RNF5: variants seen among roughly 807,000 people sequenced by gnomAD.
The protein encoded by RNF5 is ring finger protein 5.
In RNF5, 16 loss-of-function variants were observed where a neutral mutation model predicts 24.4. That is an observed-to-expected ratio of 0.66 (90% CI 0.44 to 1.00). The LOEUF (loss-of-function observed/expected upper bound fraction) is 1.00, where lower values mean the gene tolerates loss of function less well. Among genes scored for constraint, RNF5 ranks in the 50% least tolerant of loss-of-function variants. The pLI is 0.00. For synonymous variants in RNF5, 64 were observed against 88.5 expected, an observed-to-expected ratio of 0.72 and a Z score of 1.55; for missense variants, 185 against 236.7, an observed-to-expected ratio of 0.78 and a Z score of 1.43.
Position 32,180,014 on chromosome 6 carries a change from C to T in RNF5, c.333C>T (p.Phe111=), listed in dbSNP as rs747287288. Residue 111 remains phenylalanine, a synonymous_variant, in exon 5 of 6, where the codon TTC becomes TTT. Coordinates refer to ENST00000375094, the MANE Select transcript of RNF5 (RefSeq NM_006913.4). ...GACTTTTTCTGCCTCCCTAGGGATT[C>T]CAGCCATTTGGTGATACCGGGGGCT... ...QRPAPESRGG[F]QPFGDTGGFH... 17 of 1,614,190 alleles carry T rather than the reference C, an allele frequency of 1.1e-5. No individual in the cohort carries two copies. Among genetic ancestry groups the T allele is most frequent in the Non-Finnish European group, 3.4e-6 (4 of 1,180,014 alleles).
Position 32,178,411 on chromosome 6 carries a change from T to A in RNF5, c.-101T>A. On this transcript the variant is annotated 5_prime_UTR_variant, in exon 1 of 6. Coordinates refer to ENST00000375094, the MANE Select transcript of RNF5 (RefSeq NM_006913.4). ...ATAGTGATTAGGAAACCTTGAAGCC[T>A]GCCCAACGATCGTGGGCAGGAGGTG... 1.0e-6 allele frequency: 1 copy of A among 1,003,804 alleles called. No individual in the cohort carries two copies. The highest frequency in any genetic ancestry group is 1.7e-5 in the South Asian group (1 of 58,570). 62.2% of individuals were successfully genotyped at this position (1,003,804 alleles called of 1,614,324 possible).
chr6:32,179,634 A>G lies in RNF5; in HGVS notation c.160-17A>G, dbSNP rs747944470. On this transcript the variant is annotated splice_polypyrimidine_tract_variant and intron_variant, in intron 2 of 5. Transcript: ENST00000375094. This position sits in a 1 kb window ranked among gnomAD's most constrained non-coding sequence, Gnocchi z 5.4. ...AAGACCCTCTTGTATACTGGAAACC[A>G]CCTTTTTTCTCCCCAGTGGCTGGAG... The G allele has an allele frequency of 8.7e-6, 14 of 1,612,088 alleles. No individual in the cohort carries two copies. The highest frequency in any genetic ancestry group is 1.3e-5 in the African/African-American group (1 of 74,646).
chr6:32,178,607 G>A lies in RNF5; in HGVS notation c.96G>A (p.Glu32=). 6 of 1,611,934 alleles carry A rather than the reference G, an allele frequency of 3.7e-6. No homozygotes were observed. Among genetic ancestry groups the A allele is most frequent in the Non-Finnish European group, 5.1e-6 (6 of 1,179,952 alleles). ...CCTTCGAATGTAATATATGTTTGGAGACTGCTCGGGAAGCTGTGGTCAGTG... is the reference window on the plus strand; with the variant it reads ...CCTTCGAATGTAATATATGTTTGGAAACTGCTCGGGAAGCTGTGGTCAGTG... ...GATFECNICL[E]TAREAVVSVC... Residue 32 remains glutamate, a synonymous_variant, in exon 1 of 6, where the codon GAG becomes GAA. Coordinates refer to ENST00000375094, the MANE Select transcript of RNF5 (RefSeq NM_006913.4).
chr6:32,178,541 C>T lies in RNF5; in HGVS notation c.30C>T (p.Gly10=). The change falls in exon 1 of 6, where the codon GGC becomes GGT. Residue 10 remains glycine (G), a synonymous_variant. Coordinates refer to ENST00000375094, the MANE Select transcript of RNF5 (RefSeq NM_006913.4). ...CAGCAGCGGAGGAGGAGGACGGGGG[C>T]CCCGAAGGGCCAAATCGCGAGCGGG... is the stretch of plus-strand genomic sequence containing the variant. MAAAEEEDG[G]PEGPNRERGG... is the part of the protein sequence containing the mutation. 6 of 1,607,688 alleles carry T rather than the reference C, an allele frequency of 3.7e-6. No individual in the cohort carries two copies. The highest frequency in any genetic ancestry group is 5.1e-6 in the Non-Finnish European group (6 of 1,177,722).
chr6:32,180,411 C>G lies in RNF5; in HGVS notation c.*85C>G. The G allele has an allele frequency of 8.1e-7, 1 of 1,232,850 alleles. No homozygotes were observed. The highest frequency in any genetic ancestry group is 1.2e-5 in the South Asian group (1 of 83,582). The allele number at this position is 1,232,850 out of a possible 1,614,324, so 76.4% of individuals were successfully genotyped here. ...TGACCCTTCCGTACTCCTGGACCCC[C>G]TTGACCCCTCTATTTCTGTTGGCTA... On this transcript the variant is annotated 3_prime_UTR_variant, in exon 6 of 6. Transcript: ENST00000375094.
In RNF5 at chr6:32,178,583, C is replaced by T. The variant is rs1289753333; in HGVS notation, c.72C>T (p.Thr24=). The T allele has an allele frequency of 1.9e-6, 3 of 1,610,650 alleles. No individual in the cohort carries two copies. Among genetic ancestry groups the T allele is most frequent in the East Asian group, 2.2e-5 (1 of 44,822 alleles). The part of the protein sequence containing the change: ...PNRERGGAGA[T]FECNICLETA... ...GCGAGCGGGGCGGGGCGGGCGCGAC[C>T]TTCGAATGTAATATATGTTTGGAGA... Residue 24 remains threonine (T), a synonymous_variant, in exon 1 of 6, where the codon ACC becomes ACT. Coordinates refer to ENST00000375094, the MANE Select transcript of RNF5 (RefSeq NM_006913.4).
At chr6:32,180,203 T>A in intron 5 of RNF5, 26 bp from the exon 6 acceptor site, 1 of 1,610,436 alleles carries the variant, frequency 6.2e-7, no homozygotes, top group Non-Finnish European at 8.5e-7. Flanking sequence ...GAGCATATGC[T>A]TCCACAGCTT....
Position 32,179,685 on chromosome 6 carries a change from C to T in RNF5, c.194C>T (p.Pro65Leu), listed in dbSNP as rs1241941321. 1 of 1,613,930 alleles carries T rather than the reference C, an allele frequency of 6.2e-7. No homozygotes were observed. Among genetic ancestry groups the T allele is most frequent in the East Asian group, 2.2e-5 (1 of 44,886 alleles). ...LETRPERQEC[P>L]VCKAGISREK... ...ACACGGCCAGAACGGCAAGAGTGTC[C>T]AGTATGTAAAGCTGGGATCAGCAGA... is the stretch of plus-strand genomic sequence containing the variant. Residue 65 changes from proline (P) to leucine (L), a missense_variant, in exon 3 of 6, where the codon CCA (proline) becomes CTA (leucine). Transcript: ENST00000375094. This position sits in a 1 kb window ranked among gnomAD's most constrained non-coding sequence, Gnocchi z 5.4.
Position 32,178,419 on chromosome 6 carries a change from G to C in RNF5, c.-93G>C, listed in dbSNP as rs1785776571. The C allele has an allele frequency of 2.8e-6, 3 of 1,073,522 alleles. No individual in the cohort carries two copies. The highest frequency in any genetic ancestry group is 3.2e-5 in the African/African-American group (2 of 62,856). The allele number at this position is 1,073,522 out of a possible 1,614,324, so 66.5% of individuals were successfully genotyped here. ...TAGGAAACCTTGAAGCCTGCCCAAC[G>C]ATCGTGGGCAGGAGGTGGTTTCTGG... On this transcript the variant is annotated 5_prime_UTR_variant, in exon 1 of 6. Transcript: ENST00000375094.
Position 32,178,502 on chromosome 6 carries a change from A to G in RNF5, c.-10A>G, listed in dbSNP as rs1291719974. ...GACTGAAGGGTACGTGGGGCGAAAC[A>G]AAACCGGCCATGGCAGCAGCGGAGG... On this transcript the variant is annotated 5_prime_UTR_variant, in exon 1 of 6. Transcript: ENST00000375094. 6.3e-7 allele frequency: 1 copy of G among 1,589,654 alleles called. No individual in the cohort carries two copies. Among genetic ancestry groups the G allele is most frequent in the Non-Finnish European group, 8.6e-7 (1 of 1,168,400 alleles).
chr6:32,179,601 G>A lies in RNF5; in HGVS notation c.159+42G>A. On this transcript the variant is annotated intron_variant, in intron 2 of 5. Coordinates refer to ENST00000375094, the MANE Select transcript of RNF5 (RefSeq NM_006913.4). This position sits in a 1 kb window ranked among gnomAD's most constrained non-coding sequence, Gnocchi z 5.4. The stretch of plus-strand genomic sequence containing the variant: ...TGAAGAGGGAAATGGGGAGGTCTGA[G>A]GAGCTGTAAGACCCTCTTGTATACT... 1 of 1,613,850 alleles carries A rather than the reference G, an allele frequency of 6.2e-7. No individual in the cohort carries two copies. The highest frequency in any genetic ancestry group is 8.5e-7 in the Non-Finnish European group (1 of 1,179,862).
chr6:32,179,308 G>A lies in RNF5; in HGVS notation c.141-233G>A, dbSNP rs1248128196. On this transcript the variant is annotated intron_variant, in intron 1 of 5. Coordinates refer to ENST00000375094, the MANE Select transcript of RNF5 (RefSeq NM_006913.4). This position sits in a 1 kb window ranked among gnomAD's most constrained non-coding sequence, Gnocchi z 5.4. ...ATTTGTATGTGTTTGTTGGGGAGAG[G>A]AGAAAGGAGAGGGTTGAGTGTGTTG... is the stretch of plus-strand genomic sequence containing the variant. Among the ~76,000 whole-genome samples the A allele has an allele frequency of 6.6e-6, 1 of 152,080 alleles. No individual in the cohort carries two copies. The highest frequency in any genetic ancestry group is 2.4e-5 in the African/African-American group (1 of 41,402).
In RNF5 at chr6:32,179,880, A is replaced by G. The variant is rs35746374; in HGVS notation, c.276A>G (p.Leu92=). ...RGSQKPQDPR[L]KTPPRPQGQR... ...CTTTCTCTCTCCACTTCCTCAGATT[A>G]AAAACTCCACCCCGCCCCCAGGGCC... Residue 92 remains leucine, a synonymous_variant, in exon 4 of 6, where the codon TTA becomes TTG. Transcript: ENST00000375094. The surrounding 1 kb of genome is among the most constrained non-coding windows in gnomAD (Gnocchi z 5.4). 1,206 of 1,614,130 alleles carry G rather than the reference A, an allele frequency of 7.5e-4. 5 individuals are homozygous for G. The African/African-American group carries it at 0.014, about 19-fold the overall frequency.
rs1785853819 is a variant in RNF5 at position 32,179,112 on chromosome 6, G to A, written c.141-429G>A. On this transcript the variant is annotated intron_variant, in intron 1 of 5. Transcript: ENST00000375094. This position sits in a 1 kb window ranked among gnomAD's most constrained non-coding sequence, Gnocchi z 5.4. Reference sequence around the variant, plus strand: ...AGAGGCAGACTTGAAAGGTTAAAGGGTCATAAAGATAGGGACATTATTGAG... The same window carrying A: ...AGAGGCAGACTTGAAAGGTTAAAGGATCATAAAGATAGGGACATTATTGAG... 6.6e-6 allele frequency among the ~76,000 whole-genome samples: 1 copy of A among 152,068 alleles called. No homozygotes were observed. Among genetic ancestry groups the A allele is most frequent in the Non-Finnish European group, 1.5e-5 (1 of 68,022 alleles).
chr6:32,180,414 GACC>G lies in RNF5; in HGVS notation c.*89_*91del. The G allele has an allele frequency of 8.1e-7, 1 of 1,230,796 alleles. No individual in the cohort carries two copies. Among genetic ancestry groups the G allele is most frequent in the Non-Finnish European group, 1.2e-6 (1 of 847,506 alleles). The allele number at this position is 1,230,796 out of a possible 1,614,324, so 76.2% of individuals were successfully genotyped here. ...CCCTTCCGTACTCCTGGACCCCCTT[GACC>G]CCTCTATTTCTGTTGGCTAAGGCCA... On this transcript the variant is annotated 3_prime_UTR_variant, in exon 6 of 6. Coordinates refer to ENST00000375094, the MANE Select transcript of RNF5 (RefSeq NM_006913.4).
In RNF5 at chr6:32,180,459, A is replaced by G; in HGVS notation, c.*133A>G. Reference sequence around the variant, plus strand: ...CTAAGGCCAGCCCTGGACATTGTCCAGGAAGGCCTGGGGAGGAGGAGTGAA... The same window carrying G: ...CTAAGGCCAGCCCTGGACATTGTCCGGGAAGGCCTGGGGAGGAGGAGTGAA... On this transcript the variant is annotated 3_prime_UTR_variant, in exon 6 of 6. Transcript: ENST00000375094. The G allele has an allele frequency of 6.2e-6, 5 of 800,824 alleles. No homozygotes were observed. Among genetic ancestry groups the G allele is most frequent in the East Asian group, 5.0e-5 (2 of 39,786 alleles). The allele number at this position is 800,824 out of a possible 1,614,324, so 49.6% of individuals were successfully genotyped here. A position where few individuals can be genotyped will look rare whatever the true frequency, so the allele number is the denominator to read the frequency against.
chr6:32,179,810 C>A lies in RNF5; in HGVS notation c.272+47C>A. 1 of 1,613,414 alleles carries A rather than the reference C, an allele frequency of 6.2e-7. No individual in the cohort carries two copies. The highest frequency in any genetic ancestry group is 8.5e-7 in the Non-Finnish European group (1 of 1,179,424). On this transcript the variant is annotated intron_variant, in intron 3 of 5. Coordinates refer to ENST00000375094, the MANE Select transcript of RNF5 (RefSeq NM_006913.4). This position sits in a 1 kb window ranked among gnomAD's most constrained non-coding sequence, Gnocchi z 5.4. ...TTAGGGAAGATTGAAGGCTTCTGCC[C>A]TTGGAAAACGGTGTGGAAGATGGGA...
intron 1 of RNF5, 40 bp downstream of exon 1, chr6:32,178,691 C>T: frequency 6.3e-7 from 1 of 1,595,852 alleles, no homozygotes. Flanking sequence ...GTGGGTCTCG[C>T]TTATATACTG....
In RNF5 at chr6:32,180,284, G is replaced by A; in HGVS notation, c.501G>A (p.Leu167=). ...CCAGCTGGCAGGATTCCCTCTTCCT[G>A]TTTCTCGCCATCTTCTTCTTTTTTT... ...PASSWQDSLF[L]FLAIFFFFWL... is the part of the protein sequence containing the mutation. The change falls in exon 6 of 6, where the codon CTG becomes CTA. Residue 167 remains leucine, a synonymous_variant. Transcript: ENST00000375094. 6.2e-7 allele frequency: 1 copy of A among 1,611,736 alleles called. No individual in the cohort carries two copies. The highest frequency in any genetic ancestry group is 8.5e-7 in the Non-Finnish European group (1 of 1,180,014).
Sources: gnomAD v4.1 joint callset for allele counts (sites outside exome capture counted in the v4.1 genomes callset) on GRCh38, gnomAD v4.1.1 for gene constraint, Gnocchi (gnomAD v3.1) non-coding constraint, MANE v1.5 for transcripts, NCBI Gene and HGNC (gene_info 2026-07-23, HGNC 2026-07-21) for gene names.